The following TMEM178B variants were observed in gnomAD, a reference collection of about 807,000 sequenced individuals.
The protein encoded by TMEM178B is transmembrane protein 178B.
In TMEM178B, 5 loss-of-function variants were observed where a neutral mutation model predicts 31.0. The ratio of observed to expected loss-of-function variants is 0.16; its 90% CI spans 0.08 to 0.34. TMEM178B has a LOEUF of 0.34. Among genes scored for constraint, TMEM178B ranks in the 10% least tolerant of loss-of-function variants. The pLI is 1.00. For synonymous variants in TMEM178B, 164 were observed against 164.0 expected, an observed-to-expected ratio of 1.00 and a Z score of 0.00; for missense variants, 275 against 400.3, an observed-to-expected ratio of 0.69 and a Z score of 2.67.
At chr7:141,075,415 T>C (rs1179261051) in intron 1 of TMEM178B, among the ~76,000 whole-genome samples, 1 of 151,986 alleles carries the variant, frequency 6.6e-6, no homozygotes, top group Non-Finnish European at 1.5e-5. Context: ...TTTCAGAAAA[T>C]GTATATAAAA....
chr7:141,506,510 A>G, the TMEM178B span, among the ~76,000 whole-genome samples: 1 of 152,218 alleles, frequency 6.6e-6, no homozygotes, highest in Non-Finnish European at 1.5e-5. Flanking sequence ...TGTGAGACTT[A>G]TTCACTATCA....
At chr7:141,408,194 G>A (rs987380929) in intron 2 of TMEM178B, among the ~76,000 whole-genome samples, 5 of 151,838 alleles carry the variant, frequency 3.3e-5, no homozygotes, top group East Asian at 1.9e-4. Flanking sequence ...AAAAAAAAAA[G>A]GTGAACCTAT....
intron 3 of TMEM178B, among the ~76,000 whole-genome samples, chr7:141,447,120 A>G (rs1370747723): frequency 3.9e-4 from 59 of 152,142 alleles, no homozygotes; most frequent in Admixed American, 3.9e-3. Flanking sequence ...AGCAGGATAA[A>G]GTCCTCAGGA....
At chr7:141,174,455 G>A (rs1204264816) in intron 1 of TMEM178B, among the ~76,000 whole-genome samples, 1 of 152,074 alleles carries the variant, frequency 6.6e-6, no homozygotes, top group Non-Finnish European at 1.5e-5. Flanking sequence ...AGAATGATAT[G>A]TATTCCTTTG....
intron 3 of TMEM178B, among the ~76,000 whole-genome samples, chr7:141,467,897 C>T (rs1802173418): frequency 6.6e-6 from 1 of 150,664 alleles, no homozygotes; most frequent in Non-Finnish European, 1.5e-5. Flanking sequence ...AAGGAAACAC[C>T]AGCTTACACT....
chr7:141,094,903 G>A (rs891662177), intron 1 of TMEM178B, among the ~76,000 whole-genome samples: 6 of 152,174 alleles, frequency 3.9e-5, no homozygotes, highest in Admixed American at 3.9e-4. Flanking sequence ...AAGACCTATA[G>A]TGATGCAGAA....
intron 1 of TMEM178B, among the ~76,000 whole-genome samples, chr7:141,126,206 C>G (rs1174843469): frequency 1.3e-5 from 2 of 152,016 alleles, no homozygotes; most frequent in Non-Finnish European, 2.9e-5. Context: ...ATTTGGTTTG[C>G]AGGTTGGGGA....
intron 2 of TMEM178B, among the ~76,000 whole-genome samples, chr7:141,323,709 A>C (rs911765790): frequency 6.6e-6 from 1 of 152,178 alleles, no homozygotes; most frequent in Non-Finnish European, 1.5e-5. Flanking sequence ...GTGGTTCTTC[A>C]TGAACAAGAG....
At chr7:141,207,779 A>G (rs1366449988) in intron 1 of TMEM178B, among the ~76,000 whole-genome samples, 1 of 152,328 alleles carries the variant, frequency 6.6e-6, no homozygotes, top group East Asian at 1.9e-4. Flanking sequence ...CCACCAGTCC[A>G]GGGATGGTGG....
At position 141,468,432 on chromosome 7, in the gene TMEM178B, A is replaced by C. The variant is rs190720419; in HGVS notation, c.635-2104A>C. 3.9e-5 allele frequency among the ~76,000 whole-genome samples: 6 copies of C among 152,338 alleles called. No individual in the cohort carries two copies. The East Asian group carries it at 1.2e-3, about 29-fold the overall frequency. On this transcript the variant is annotated intron_variant, in intron 3 of 3. Transcript: ENST00000565468. ...GAAGTGACCCACTTTGCCTGGCACC[A>C]GTTGTAAACAGTACAGTGGATGAGA... is the stretch of plus-strand genomic sequence containing the variant.
At position 141,129,743 on chromosome 7, in the gene TMEM178B, G is replaced by A. The variant is rs149500081; in HGVS notation, c.382+55051G>A. ...GAGAACAGGTGCCCAGGGTGGTTAA[G>A]GTACAGCTTGGTTTTCTACATTTTA... On this transcript the variant is annotated intron_variant, in intron 1 of 3. Coordinates refer to ENST00000565468, the MANE Select transcript of TMEM178B (RefSeq NM_001195278.2). Among the ~76,000 whole-genome samples, 498 of 152,218 alleles carry A rather than the reference G, an allele frequency of 3.3e-3. 6 individuals carry two copies. Among genetic ancestry groups the A allele is most frequent in the African/African-American group, 0.011 (470 of 41,530 alleles).
intron 1 of TMEM178B, among the ~76,000 whole-genome samples, chr7:141,151,291 T>C (rs1333161028): frequency 6.6e-6 from 1 of 152,228 alleles, no homozygotes; most frequent in Admixed American, 6.5e-5. Flanking sequence ...ATGTACTTTA[T>C]ATTCATTATC....
chr7:141,501,007 T>C, the TMEM178B span, among the ~76,000 whole-genome samples: 88 of 152,298 alleles, frequency 5.8e-4, no homozygotes, highest in Middle Eastern at 6.8e-3. Context: ...TTTATCCGTG[T>C]TGAAAATAGA....
intron 1 of TMEM178B, among the ~76,000 whole-genome samples, chr7:141,196,621 TTAAC>T (rs757437145): frequency 1.3e-4 from 20 of 152,212 alleles, no homozygotes; most frequent in Non-Finnish European, 1.9e-4. Flanking sequence ...GGACACTTGT[TTAAC>T]TAACCCATAT....
chr7:141,145,040 G>A (rs1795829590), intron 1 of TMEM178B, among the ~76,000 whole-genome samples: 1 of 152,144 alleles, frequency 6.6e-6, no homozygotes, highest in African/African-American at 2.4e-5. Flanking sequence ...ACTTTTCTGA[G>A]GAAATTATTC....
intron 2 of TMEM178B, among the ~76,000 whole-genome samples, chr7:141,374,550 G>A (rs770851296): frequency 3.9e-4 from 59 of 152,280 alleles, no homozygotes; most frequent in Non-Finnish European, 7.6e-4. Flanking sequence ...GACTTGGAGT[G>A]AGAATGAGCC....
At chr7:141,223,479 C>CTTTTTTTTTTT (rs10680431) in intron 2 of TMEM178B, among the ~76,000 whole-genome samples, 54 of 131,140 alleles carry the variant, frequency 4.1e-4, no homozygotes, top group African/African-American at 1.5e-3. Flanking sequence ...TGTTTTCACT[C>CTTTTTTTTTTT]TTTTTTTTTT....
chr7:141,505,815 A>G, the TMEM178B span, among the ~76,000 whole-genome samples: 22 of 152,272 alleles, frequency 1.4e-4, no homozygotes, highest in Admixed American at 5.2e-4. Flanking sequence ...CAGAATTTCC[A>G]AGTACACTCT....
intron 2 of TMEM178B, among the ~76,000 whole-genome samples, chr7:141,410,530 C>G (rs576298379): frequency 7.4e-6 from 1 of 136,000 alleles, no homozygotes; most frequent in Non-Finnish European, 1.5e-5. Flanking sequence ...CTTCCTTTCT[C>G]TCTCTCTCTC....
Sources: gnomAD v4.1 joint callset for allele counts (sites outside exome capture counted in the v4.1 genomes callset) on GRCh38, gnomAD v4.1.1 for gene constraint, MANE v1.5 for transcripts, NCBI Gene and HGNC (gene_info 2026-07-23, HGNC 2026-07-21) for gene names.